Variants in LRRC1 observed in about 807,000 individuals in gnomAD.
The protein encoded by LRRC1 is leucine rich repeat containing 1.
LRRC1 carries 28 observed loss-of-function variants against 69.9 expected under a neutral mutation model. The ratio of observed to expected loss-of-function variants is 0.40; its 90% CI spans 0.30 to 0.55. The LOEUF is 0.55. LRRC1 is among the 20% of genes least tolerant of loss of function. LRRC1 has a pLI of 0.47. For missense variants in LRRC1, 498 were observed against 609.0 expected (o/e 0.82, Z 1.92); for synonymous variants, 236 against 240.2 (o/e 0.98, Z 0.16).
rs867833711 is a variant in LRRC1, at chr6:53,834,839, G to A, written c.160-7271G>A. ...ATACAAAAAATGGTGGCACACACCG[G>A]TAGTCCCAGCTACTCGGGACGCTGA... On this transcript the variant is annotated intron_variant, in intron 1 of 13. Coordinates refer to ENST00000370888, the MANE Select transcript of LRRC1 (RefSeq NM_018214.5). Among the ~76,000 whole-genome samples, 6 of 152,184 alleles carry A rather than the reference G, an allele frequency of 3.9e-5. No individual in the cohort carries two copies. In the South Asian group the frequency reaches 1.2e-3, roughly 32 times the overall value.
rs1205838205 is a variant in LRRC1, at chr6:53,897,272, T to C, written c.568-13T>C. The C allele has an allele frequency of 1.1e-5, 18 of 1,582,326 alleles. No homozygotes were observed. The highest frequency in any genetic ancestry group is 1.6e-5 in the Non-Finnish European group (18 of 1,157,684). ...AATCTTTGTTACCGTAACTTTTTTT[T>C]CTTTTGTTTTAGCCAGAATCAATTG... On this transcript the variant is annotated splice_polypyrimidine_tract_variant and intron_variant, in intron 6 of 13. Coordinates refer to ENST00000370888, the MANE Select transcript of LRRC1 (RefSeq NM_018214.5).
chr6:53,899,988 C>A, intron 8 of LRRC1, 97 bp downstream of exon 8: 1 of 812,276 alleles, frequency 1.2e-6, no homozygotes, highest in Non-Finnish European at 1.8e-6. Flanking sequence ...CTTTCAGATG[C>A]TGAGGATGTG....
intron 12 of LRRC1, 86 bp downstream of exon 12, chr6:53,919,756 T>G: frequency 8.1e-7 from 1 of 1,237,922 alleles, no homozygotes; most frequent in Non-Finnish European, 1.1e-6. Context: ...TACTCCCTCA[T>G]GTGATTGTGT....
intron 2 of LRRC1, among the ~76,000 whole-genome samples, chr6:53,856,733 G>A (rs1407896189): frequency 6.6e-6 from 1 of 152,104 alleles, no homozygotes; most frequent in Non-Finnish European, 1.5e-5. Flanking sequence ...AAGCTGTGGG[G>A]AATCATGAAA....
intron 9 of LRRC1, 80 bp from the exon 10 acceptor site, chr6:53,904,299 G>T (rs1197716177): frequency 1.5e-5 from 12 of 809,158 alleles, no homozygotes; most frequent in Non-Finnish European, 1.7e-5. Flanking sequence ...ATATTCTTTA[G>T]GTCCTTGCAA....
intron 1 of LRRC1, among the ~76,000 whole-genome samples, chr6:53,811,181 C>T (rs111866826): frequency 1.3e-5 from 2 of 152,140 alleles, no homozygotes; most frequent in African/African-American, 4.8e-5. Flanking sequence ...TGTTTTAGTG[C>T]CTTGGCATAG....
In LRRC1 at chr6:53,795,486, T is replaced by A. The variant is rs1159063905; in HGVS notation, c.159+71T>A. The A allele has an allele frequency of 5.7e-5, 82 of 1,450,114 alleles. No individual in the cohort carries two copies. In the East Asian group the frequency reaches 2.0e-3, roughly 36 times the overall value. The allele number at this position is 1,450,114 out of a possible 1,614,324, so 89.8% of individuals were successfully genotyped here. ...TCCCTTCCGCTCCCATCCTCTCTCG[T>A]CCCCTCTTCCATCTCCGGGTCCGGC... On this transcript the variant is annotated intron_variant, in intron 1 of 13. Transcript: ENST00000370888.
chr6:53,846,279 AAG>A (rs1482606035), intron 2 of LRRC1, among the ~76,000 whole-genome samples: 34 of 152,172 alleles, frequency 2.2e-4, no homozygotes, highest in Admixed American at 7.2e-4. Context: ...TTTAGGGAAA[AAG>A]AGGGCAGTGC....
chr6:53,877,645 C>A (rs111549107), intron 2 of LRRC1, among the ~76,000 whole-genome samples: 1,618 of 152,226 alleles, frequency 0.011, 26 homozygotes, highest in African/African-American at 0.036. Flanking sequence ...AGGGTAGGGG[C>A]AAAATGCTGC....
chr6:53,813,538 TTTTTTTTTTTTC>T (rs1442869443), intron 1 of LRRC1, among the ~76,000 whole-genome samples: 2 of 147,542 alleles, frequency 1.4e-5, no homozygotes, highest in Non-Finnish European at 3.0e-5. Flanking sequence ...GCTCAGTGGT[TTTTTTTTTTTTC>T]TTTTTTTTTC....
chr6:53,913,805 A>G, intron 10 of LRRC1, 49 bp from the exon 11 acceptor site: 6 of 1,265,940 alleles, frequency 4.7e-6, no homozygotes, highest in Non-Finnish European at 3.4e-6. Context: ...ATCCTACTCC[A>G]TCTCCCCTAG....
chr6:53,895,200 G>T (rs534513461), intron 4 of LRRC1, among the ~76,000 whole-genome samples: 8 of 152,196 alleles, frequency 5.3e-5, no homozygotes, highest in Admixed American at 5.2e-4. Context: ...TTACAGGGGT[G>T]AGCCACCGCG....
chr6:53,855,949 C>T (rs1415052128), intron 2 of LRRC1, among the ~76,000 whole-genome samples: 1 of 152,160 alleles, frequency 6.6e-6, no homozygotes, highest in African/African-American at 2.4e-5. Context: ...CTTTTTGCAG[C>T]TCATTGGCAT....
intron 1 of LRRC1, among the ~76,000 whole-genome samples, chr6:53,840,800 G>T (rs548553321): frequency 6.7e-6 from 1 of 149,810 alleles, no homozygotes; most frequent in South Asian, 2.1e-4. Flanking sequence ...TTTCTCTGAG[G>T]ATATTAATTA....
rs111574204 is a variant in LRRC1, at chr6:53,884,518, C to A, written c.446+1542C>A. Among the ~76,000 whole-genome samples the A allele has an allele frequency of 3.9e-3, 596 of 152,060 alleles. 2 individuals are homozygous for A. Among genetic ancestry groups the A allele is most frequent in the African/African-American group, 0.013 (553 of 41,476 alleles). On this transcript the variant is annotated intron_variant, in intron 4 of 13. Transcript: ENST00000370888. ...CAAGACCCCATCCCCGCTTTGCCCCCCCTACACAAAAAAATCTTAAATATA... is the reference window on the plus strand; with the variant it reads ...CAAGACCCCATCCCCGCTTTGCCCCACCTACACAAAAAAATCTTAAATATA...
chr6:53,848,903 G>A (rs913572612), intron 2 of LRRC1, among the ~76,000 whole-genome samples: 12 of 152,076 alleles, frequency 7.9e-5, no homozygotes, highest in African/African-American at 2.2e-4. Context: ...GATTACAGGC[G>A]TGTGCCACCA....
At position 53,899,633 on chromosome 6, in the gene LRRC1, A is replaced by G. The variant is rs1280938057; in HGVS notation, c.643-114A>G. 3.1e-6 allele frequency: 3 copies of G among 969,576 alleles called. No homozygotes were observed. The African/African-American group carries it at 5.0e-5, about 16-fold the overall frequency. 60.1% of individuals were successfully genotyped at this position (969,576 alleles called of 1,614,324 possible). A position where few individuals can be genotyped will look rare whatever the true frequency, so the allele number is the denominator to read the frequency against. On this transcript the variant is annotated intron_variant, in intron 7 of 13. Transcript: ENST00000370888. Reference sequence around the variant, plus strand: ...GCCTTCACATTTGGATTCATGCTAAAGATAACATCCTTAGGACCGCCCTGG... The same window carrying G: ...GCCTTCACATTTGGATTCATGCTAAGGATAACATCCTTAGGACCGCCCTGG...
intron 1 of LRRC1, among the ~76,000 whole-genome samples, chr6:53,836,535 C>T (rs1765617768): frequency 1.3e-5 from 2 of 152,054 alleles, no homozygotes; most frequent in South Asian, 2.1e-4. Context: ...GATCTAATGC[C>T]ATTGCTCTTT....
intron 1 of LRRC1, among the ~76,000 whole-genome samples, chr6:53,799,453 G>A (rs1237540152): frequency 5.9e-5 from 9 of 152,158 alleles, no homozygotes; most frequent in Non-Finnish European, 1.3e-4. Flanking sequence ...TTTCTTAGCC[G>A]TCATAATTCC....
Sources: gnomAD v4.1 joint callset for allele counts (sites outside exome capture counted in the v4.1 genomes callset) on GRCh38, gnomAD v4.1.1 for gene constraint, MANE v1.5 for transcripts, NCBI Gene and HGNC (gene_info 2026-07-23, HGNC 2026-07-21) for gene names.